PLCD3: variants seen among roughly 807,000 people sequenced by gnomAD.
PLCD3 encodes 1-phosphatidylinositol 4,5-bisphosphate phosphodiesterase delta-3.
Under a neutral mutation model 82.8 loss-of-function variants are expected in PLCD3, and 62 were observed. The observed-to-expected ratio is 0.75, with a 90% CI of 0.61 to 0.93. PLCD3 has a LOEUF of 0.93. Ranked by LOEUF, PLCD3 falls within the 40% of genes least tolerant of loss-of-function variation. PLCD3 has a pLI of 0.00. For missense variants in PLCD3, 1,023 were observed against 1,103.4 expected, an observed-to-expected ratio of 0.93 and a Z score of 1.03; for synonymous variants, 478 against 471.8, an observed-to-expected ratio of 1.01 and a Z score of -0.17.
rs1250092139 is a variant in PLCD3 at position 45,114,350 on chromosome 17, C to A, written c.1728G>T (p.Arg576Ser). 1 of 1,547,916 alleles carries A rather than the reference C, an allele frequency of 6.5e-7. No individual in the cohort carries two copies. Among genetic ancestry groups the A allele is most frequent in the Admixed American group, 2.0e-5 (1 of 50,320 alleles). Residue 576 changes from arginine (R) to serine (S), a missense_variant, in exon 11 of 15, where the codon AGG becomes AGT. Coordinates refer to ENST00000619929, the MANE Select transcript of PLCD3 (RefSeq NM_133373.5). ...CGCGGGTCAGCTGGCGGGCATTGTG[C>A]CTGACAAAGCTGTTCCCTGGGGCAG... is the stretch of plus-strand genomic sequence containing the variant. The part of the protein sequence containing the change: ...LIREAGNSFV[R>S]HNARQLTRVY...
chr17:45,115,570 G>T (rs1203303948), intron 8 of PLCD3, 80 bp from the exon 9 acceptor site: 2 of 1,294,056 alleles, frequency 1.5e-6, no homozygotes, highest in Non-Finnish European at 2.1e-6. Flanking sequence ...TTCAACCACC[G>T]CCTTGTGAGG....
Position 45,113,021 on chromosome 17 carries a change from C to T in PLCD3, c.2132-9G>A, listed in dbSNP as rs2054259145. ...CCAGCGGGGGTTGAAGCCTAGGGCACAGGGATGGCAGTCAGAGCCCAGGGG... is the reference window on the plus strand; with the variant it reads ...CCAGCGGGGGTTGAAGCCTAGGGCATAGGGATGGCAGTCAGAGCCCAGGGG... On this transcript the variant is annotated splice_polypyrimidine_tract_variant and intron_variant, in intron 13 of 14. Transcript: ENST00000619929. 1.9e-6 allele frequency: 3 copies of T among 1,601,848 alleles called. No homozygotes were observed. The highest frequency in any genetic ancestry group is 2.6e-6 in the Non-Finnish European group (3 of 1,172,586).
intron 1 of PLCD3, among the ~76,000 whole-genome samples, chr17:45,127,294 G>A (rs1420566473): frequency 2.0e-5 from 3 of 152,322 alleles, no homozygotes; most frequent in East Asian, 1.9e-4. Flanking sequence ...GGCACCTCCC[G>A]CCCAATTCAG....
rs1474085653 is a variant in PLCD3 at position 45,112,654 on chromosome 17, C to G, written c.2332G>C (p.Ala778Pro). Reference protein sequence around the residue: ...LSKDGASLSPATLFIQIRIQR... With the variant: ...LSKDGASLSPPTLFIQIRIQR... ...ATGCGGATTTGGATGAAGAGCGTGG[C>G]TGGTGACAGTGAGGCCCCGTCCTTG... Residue 778 changes from alanine to proline, a missense_variant, in exon 15 of 15, where the codon GCC (alanine) becomes CCC (proline). This residue lies in a region of PLCD3 where 553 missense variants were observed against 655.7 expected (regional missense o/e 0.84). Transcript: ENST00000619929. 1.2e-6 allele frequency: 2 copies of G among 1,607,364 alleles called. No homozygotes were observed. The highest frequency in any genetic ancestry group is 1.7e-6 in the Non-Finnish European group (2 of 1,177,280).
chr17:45,121,228 G>A lies in PLCD3; in HGVS notation c.308C>T (p.Ala103Val). 6.3e-7 allele frequency: 1 copy of A among 1,589,172 alleles called. No individual in the cohort carries two copies. The highest frequency in any genetic ancestry group is 8.5e-7 in the Non-Finnish European group (1 of 1,175,802). ...SVWFQRRIPR[A>V]PSQHIFFVQH... ...CCTCTCACAGATGTGCTGCGATGGC[G>A]CACGCGGGATGCGCCGCTGGAACCA... The change falls in exon 2 of 15, where the codon GCG (alanine) becomes GTG (valine). Residue 103 changes from alanine to valine, a missense_variant. Ala to Val is a moderately conservative substitution (Grantham distance 64). Coordinates refer to ENST00000619929, the MANE Select transcript of PLCD3 (RefSeq NM_133373.5).
intron 3 of PLCD3, among the ~76,000 whole-genome samples, 154 bp downstream of exon 3, chr17:45,120,748 C>G (rs2054329675): frequency 6.6e-6 from 1 of 152,198 alleles, no homozygotes; most frequent in Non-Finnish European, 1.5e-5. Flanking sequence ...GTGTCCCCAC[C>G]CTCAGTTTCG....
chr17:45,120,761 G>A (rs983007766), intron 3 of PLCD3, 141 bp downstream of exon 3: 1 of 1,114,850 alleles, frequency 9.0e-7, no homozygotes, highest in Non-Finnish European at 1.2e-6. Context: ...CAGTTTCGAA[G>A]ACCAAGGGCT....
At chr17:45,123,840 C>T (rs2054360207) in intron 1 of PLCD3, among the ~76,000 whole-genome samples, 1 of 152,168 alleles carries the variant, frequency 6.6e-6, no homozygotes, top group Admixed American at 6.5e-5. Context: ...GACTGTGGCC[C>T]TCTGAGTGAA....
chr17:45,115,653 A>C, intron 8 of PLCD3, 163 bp from the exon 9 acceptor site: 1 of 647,828 alleles, frequency 1.5e-6, no homozygotes. Context: ...AGAGTGGAGA[A>C]TGGCCCGGGA....
chr17:45,129,555 GGCCTTGGGCGGTGATTTCACCCCTCC>G (rs1424881403), intron 1 of PLCD3, among the ~76,000 whole-genome samples: 1 of 152,234 alleles, frequency 6.6e-6, no homozygotes, highest in Non-Finnish European at 1.5e-5. Flanking sequence ...GCAGGCATGT[GGCCTTGGGCGGTGATTTCACCCCTCC>G]GCCTTGAGCT....
chr17:45,123,965 C>CA (rs71354850), intron 1 of PLCD3, among the ~76,000 whole-genome samples: 4 of 96,434 alleles, frequency 4.1e-5, no homozygotes, highest in Non-Finnish European at 7.4e-5. Flanking sequence ...GACCCCCCCC[C>CA]CAACCAGGTC....
At position 45,132,109 on chromosome 17, in the gene PLCD3, G is replaced by A; in HGVS notation, c.163+139C>T. The A allele has an allele frequency of 2.1e-6, 2 of 954,192 alleles. No individual in the cohort carries two copies. The highest frequency in any genetic ancestry group is 2.7e-6 in the Non-Finnish European group (2 of 735,828). The allele number at this position is 954,192 out of a possible 1,614,324, so 59.1% of individuals were successfully genotyped here. ...CCCAGGTGCGACCCCCAGCTGGAGGGAGCTGGCCCTCCGCCCCTAGCCATA... is the reference window on the plus strand; with the variant it reads ...CCCAGGTGCGACCCCCAGCTGGAGGAAGCTGGCCCTCCGCCCCTAGCCATA... On this transcript the variant is annotated intron_variant, in intron 1 of 14. Transcript: ENST00000619929. This position sits in a 1 kb window ranked among gnomAD's most constrained non-coding sequence, Gnocchi z 4.6.
intron 1 of PLCD3, among the ~76,000 whole-genome samples, 160 bp from the exon 2 acceptor site, chr17:45,121,532 C>T (rs1179124798): frequency 6.6e-6 from 1 of 152,196 alleles, no homozygotes; most frequent in Non-Finnish European, 1.5e-5. Flanking sequence ...CCCTCCTCCC[C>T]GATTGTAAGA....
Position 45,114,274 on chromosome 17 carries a change from TCTC to T in PLCD3, c.1801_1803del (p.Glu601del). The T allele has an allele frequency of 6.5e-7, 1 of 1,538,960 alleles. No individual in the cohort carries two copies. Among genetic ancestry groups the T allele is most frequent in the Non-Finnish European group, 8.8e-7 (1 of 1,141,646 alleles). ...CCCAGCTGACAGCCCGAGTTCCACA[TCTC>T]CTGGGGACTGTAGTTGGCTGAGTTC... is the stretch of plus-strand genomic sequence containing the variant. On this transcript the variant is annotated inframe_deletion, in exon 11 of 15. Coordinates refer to ENST00000619929, the MANE Select transcript of PLCD3 (RefSeq NM_133373.5).
rs1359923494 is a variant in PLCD3 at position 45,115,238 on chromosome 17, G to C, written c.1567C>G (p.Gln523Glu). 7 of 1,560,664 alleles carry C rather than the reference G, an allele frequency of 4.5e-6. No individual in the cohort carries two copies. The highest frequency in any genetic ancestry group is 2.3e-5 in the East Asian group (1 of 43,060). Residue 523 changes from glutamine to glutamate, a missense_variant, in exon 10 of 15, where the codon CAG (glutamine) becomes GAG (glutamate). Gln to Glu is a conservative substitution (Grantham distance 29, BLOSUM62 2). Coordinates refer to ENST00000619929, the MANE Select transcript of PLCD3 (RefSeq NM_133373.5). ...AGGGCCGACAGCTCCGGGGAGATCT[G>C]CTTGGCCTAGGAGACCAGGCTCAGC... Reference protein sequence around the residue: ...EAAAQRRLAKQISPELSALAV... With the variant: ...EAAAQRRLAKEISPELSALAV...
At chr17:45,116,510 A>G (rs1471104643) in intron 8 of PLCD3, 122 bp downstream of exon 8, 3 of 1,084,684 alleles carry the variant, frequency 2.8e-6, no homozygotes, top group Non-Finnish European at 3.8e-6. Flanking sequence ...ACAGAGGAAC[A>G]GAGAAAAGTT....
Position 45,118,785 on chromosome 17 carries a change from G to A in PLCD3, c.913+30C>T. 6.3e-7 allele frequency: 1 copy of A among 1,581,448 alleles called. No individual in the cohort carries two copies. The highest frequency in any genetic ancestry group is 1.1e-5 in the South Asian group (1 of 88,476). On this transcript the variant is annotated intron_variant, in intron 5 of 14. Coordinates refer to ENST00000619929, the MANE Select transcript of PLCD3 (RefSeq NM_133373.5). This position sits in a 1 kb window ranked among gnomAD's most constrained non-coding sequence, Gnocchi z 4.1. Reference sequence around the variant, plus strand: ...AGCTGGGAACACAGCCCTTTCAGGTGCCACGACCTGGCCGTGCCACCCCCC... The same window carrying A: ...AGCTGGGAACACAGCCCTTTCAGGTACCACGACCTGGCCGTGCCACCCCCC...
At chr17:45,129,751 C>T (rs370569222) in intron 1 of PLCD3, among the ~76,000 whole-genome samples, 2 of 152,206 alleles carry the variant, frequency 1.3e-5, no homozygotes, top group African/African-American at 2.4e-5. Flanking sequence ...CCTGCAAGTC[C>T]GCAGCCCAGC....
Position 45,120,338 on chromosome 17 carries a change from T to G in PLCD3, c.671A>C (p.Tyr224Ser), listed in dbSNP as rs2054326144. ...GCGGAAGCCCACCTTGAAGAGGAGGTAGGCGTACATGTCGTTCATGTCCAC... is the reference window on the plus strand; with the variant it reads ...GCGGAAGCCCACCTTGAAGAGGAGGGAGGCGTACATGTCGTTCATGTCCAC... ...VNVDMNDMYA[Y>S]LLFKECDHSN... Residue 224 changes from tyrosine to serine, a missense_variant, in exon 4 of 15, where the codon TAC (tyrosine) becomes TCC (serine). By Grantham distance (144) the Tyr-to-Ser change is moderately radical. This residue lies in a region of PLCD3 where 448 missense variants were observed against 406.3 expected (regional missense o/e 1.10). Coordinates refer to ENST00000619929, the MANE Select transcript of PLCD3 (RefSeq NM_133373.5). The G allele has an allele frequency of 6.2e-7, 1 of 1,613,946 alleles. No individual in the cohort carries two copies.
Sources: allele counts gnomAD v4.1 joint callset (sites outside exome capture counted in the v4.1 genomes callset), GRCh38; gene constraint gnomAD v4.1.1; regional missense constraint gnomAD v4.1.1; non-coding constraint Gnocchi (gnomAD v3.1); transcripts MANE v1.5; gene names NCBI Gene and HGNC (gene_info 2026-07-23, HGNC 2026-07-21).